TBC1D8: variants seen among roughly 807,000 people sequenced by gnomAD.
TBC1D8 encodes the protein BUB2-like protein 1.
In TBC1D8, 65 loss-of-function variants were observed where a neutral mutation model predicts 118.8. The ratio of observed to expected loss-of-function variants is 0.55; its 90% CI spans 0.45 to 0.67. TBC1D8 has a LOEUF of 0.67. Ranked by LOEUF, TBC1D8 falls within the 30% of genes least tolerant of loss-of-function variation. The pLI is 0.00. For synonymous variants in TBC1D8, 566 were observed against 595.8 expected, an observed-to-expected ratio of 0.95 and a Z score of 0.73; for missense variants, 1,376 against 1,471.2, an observed-to-expected ratio of 0.94 and a Z score of 1.06.
At chr2:101,030,889 C>T (rs947685180) in intron 11 of TBC1D8, among the ~76,000 whole-genome samples, 3 of 152,198 alleles carry the variant, frequency 2.0e-5, no homozygotes, top group Non-Finnish European at 4.4e-5. Context: ...ACACAAAAGA[C>T]CCTGTCCTCC....
chr2:101,051,688 A>G (rs1682084018), intron 4 of TBC1D8, among the ~76,000 whole-genome samples: 2 of 152,186 alleles, frequency 1.3e-5, no homozygotes, highest in Admixed American at 6.5e-5. Context: ...ACATGCGGCC[A>G]ACAAGCATAT....
At chr2:101,124,117 T>C (rs1357038780) in intron 1 of TBC1D8, among the ~76,000 whole-genome samples, 1 of 152,138 alleles carries the variant, frequency 6.6e-6, no homozygotes, top group East Asian at 1.9e-4. Context: ...AAACCCTCTG[T>C]CAACCAGTGA....
At chr2:101,044,712 C>A (rs1055135255) in intron 5 of TBC1D8, among the ~76,000 whole-genome samples, 1 of 152,168 alleles carries the variant, frequency 6.6e-6, no homozygotes, top group Non-Finnish European at 1.5e-5. Context: ...TAAGAGAGAG[C>A]TACAGCTAAG....
At chr2:101,059,938 C>CA (rs77974585) in intron 2 of TBC1D8, among the ~76,000 whole-genome samples, 36 of 143,028 alleles carry the variant, frequency 2.5e-4, no homozygotes, top group South Asian at 4.4e-4. Flanking sequence ...GACTCCGTCT[C>CA]AAAAAAAAAA....
intron 1 of TBC1D8, among the ~76,000 whole-genome samples, chr2:101,116,940 C>T (rs937186191): frequency 2.6e-5 from 4 of 151,976 alleles, no homozygotes; most frequent in African/African-American, 4.8e-5. Flanking sequence ...CATGCCCAGC[C>T]GAGAAGTGAA....
At chr2:101,085,661 AAAG>A (rs1675565168) in intron 2 of TBC1D8, among the ~76,000 whole-genome samples, 1 of 152,238 alleles carries the variant, frequency 6.6e-6, no homozygotes, top group African/African-American at 2.4e-5. Flanking sequence ...GCAAGGTTCC[AAAG>A]AAGAGATTCT....
At chr2:101,056,009 T>C (rs1195298888) in intron 3 of TBC1D8, among the ~76,000 whole-genome samples, 1 of 150,914 alleles carries the variant, frequency 6.6e-6, no homozygotes. Flanking sequence ...TATATATAAA[T>C]ACTTCTATCA....
At chr2:101,098,604 C>T (rs865897286) in intron 1 of TBC1D8, among the ~76,000 whole-genome samples, 1 of 152,154 alleles carries the variant, frequency 6.6e-6, no homozygotes, top group African/African-American at 2.4e-5. Flanking sequence ...AAATTGACCA[C>T]ATAATTGGAA....
Position 101,007,908 on chromosome 2 carries a change from A to G in TBC1D8, c.3381T>C (p.Leu1127=), listed in dbSNP as rs1028109405. 4.3e-6 allele frequency: 7 copies of G among 1,613,852 alleles called. No individual in the cohort carries two copies. The highest frequency in any genetic ancestry group is 1.7e-6 in the Non-Finnish European group (2 of 1,179,886). Residue 1127 remains leucine (L), a synonymous_variant, in exon 20 of 20, where the codon CTT becomes CTC. Transcript: ENST00000409318. ...FEKPLDMKSK[L]ENAKINQYNL... ...TGTACTGATTGATCTTGGCATTTTCAAGTTTGGATTTCATGTCCAGTGGCT... is the reference window on the plus strand; with the variant it reads ...TGTACTGATTGATCTTGGCATTTTCGAGTTTGGATTTCATGTCCAGTGGCT...
rs1308695600 is a variant in TBC1D8, at chr2:101,022,372, G to C, written c.2670C>G (p.Ala890=). The stretch of plus-strand genomic sequence containing the variant: ...TCCTTTCGGCGAGGATCTCCGTGTG[G>C]GCCCCGCAGGTCCAGGGCGAGACTA... ...FQLVSPWTCG[A]HTEILAERTF... Residue 890 remains alanine, a synonymous_variant, in exon 16 of 20, where the codon GCC becomes GCG. Transcript: ENST00000409318. 6.2e-7 allele frequency: 1 copy of C among 1,613,300 alleles called. No homozygotes were observed. Among genetic ancestry groups the C allele is most frequent in the African/African-American group, 1.3e-5 (1 of 74,894 alleles).
At chr2:101,131,058 TTTTATTTA>T (rs139805489) in intron 1 of TBC1D8, among the ~76,000 whole-genome samples, 3 of 150,958 alleles carry the variant, frequency 2.0e-5, no homozygotes, top group African/African-American at 7.3e-5. Flanking sequence ...CACCTCTTTA[TTTTATTTA>T]TTTATTTATT....
intron 2 of TBC1D8, among the ~76,000 whole-genome samples, chr2:101,078,214 ACATAT>A (rs1350411703): frequency 6.6e-6 from 1 of 152,222 alleles, no homozygotes. Context: ...ACAGCTCTGT[ACATAT>A]TAAACTCTTT....
intron 2 of TBC1D8, among the ~76,000 whole-genome samples, chr2:101,071,695 C>T (rs1209074768): frequency 6.6e-5 from 10 of 152,002 alleles, no homozygotes; most frequent in Admixed American, 6.6e-4. Context: ...TACTATTGTA[C>T]TCTCATTTTA....
In TBC1D8 at chr2:101,007,993, G is replaced by GAGAC; in HGVS notation, c.3292_3295dup (p.Ser1099CysfsTer4). On this transcript the variant is annotated frameshift_variant, in exon 20 of 20. Transcript: ENST00000409318. LOFTEE classifies it high-confidence loss of function. The stretch of plus-strand genomic sequence containing the variant: ...AAGTGAAGCTAAAATATGTTCAAGG[G>GAGAC]AGACAGTCCAGTCCCTTTCTGCCGC... 1.9e-6 allele frequency: 3 copies of GAGAC among 1,613,988 alleles called. No homozygotes were observed. Among genetic ancestry groups the GAGAC allele is most frequent in the Non-Finnish European group, 2.5e-6 (3 of 1,179,892 alleles).
intron 1 of TBC1D8, among the ~76,000 whole-genome samples, chr2:101,108,229 G>A (rs962123833): frequency 6.6e-6 from 1 of 151,980 alleles, no homozygotes; most frequent in Non-Finnish European, 1.5e-5. Context: ...CCAACTGAGC[G>A]ACATTCTATA....
intron 2 of TBC1D8, among the ~76,000 whole-genome samples, chr2:101,087,643 C>CAAA (rs34582477): frequency 2.5e-4 from 26 of 104,880 alleles, no homozygotes; most frequent in African/African-American, 6.7e-4. Context: ...GACTCTGTCT[C>CAAA]AAAAAAAAAA....
At chr2:101,124,240 A>G (rs758127908) in intron 1 of TBC1D8, among the ~76,000 whole-genome samples, 4 of 152,186 alleles carry the variant, frequency 2.6e-5, no homozygotes, top group Non-Finnish European at 5.9e-5. Flanking sequence ...CTCCAACAGA[A>G]AAAGAATTCA....
intron 2 of TBC1D8, among the ~76,000 whole-genome samples, chr2:101,082,158 A>C (rs1219801121): frequency 6.6e-6 from 1 of 152,146 alleles, no homozygotes; most frequent in Non-Finnish European, 1.5e-5. Context: ...AAAAGAATAA[A>C]ATATATGTGT....
chr2:101,008,369 G>T, intron 19 of TBC1D8, 96 bp from the exon 20 acceptor site: 1 of 992,404 alleles, frequency 1.0e-6, no homozygotes, highest in Non-Finnish European at 1.4e-6. Flanking sequence ...AAACGACACA[G>T]TATTTTTGAA....
Sources: allele counts gnomAD v4.1 joint callset (sites outside exome capture counted in the v4.1 genomes callset), GRCh38; gene constraint gnomAD v4.1.1; transcripts MANE v1.5; gene names NCBI Gene and HGNC (gene_info 2026-07-23, HGNC 2026-07-21).